SCAI: variants seen among roughly 807,000 people sequenced by gnomAD.
SCAI encodes suppressor of cancer cell invasion, also known as protein SCAI.
A neutral mutation model predicts 92.2 loss-of-function variants in SCAI; 24 were observed. The ratio of observed to expected loss-of-function variants is 0.26; its 90% CI spans 0.19 to 0.37. SCAI has a LOEUF of 0.37. Among genes scored for constraint, SCAI ranks in the 10% least tolerant of loss-of-function variants. SCAI has a pLI of 1.00. For synonymous variants in SCAI, 261 were observed against 258.6 expected (o/e 1.01, Z -0.09); for missense variants, 450 against 736.2 (o/e 0.61, Z 4.50).
intron 2 of SCAI, among the ~76,000 whole-genome samples, chr9:125,126,713 C>T (rs1219825904): frequency 6.6e-6 from 1 of 152,124 alleles, no homozygotes; most frequent in Non-Finnish European, 1.5e-5. Flanking sequence ...TAAGTCCAGC[C>T]CACACTCAAG....
chr9:125,099,499 C>T (rs1834635228), intron 2 of SCAI, among the ~76,000 whole-genome samples: 1 of 152,164 alleles, frequency 6.6e-6, no homozygotes. Context: ...CCACGCTAGT[C>T]TCGACCTCCT....
chr9:125,072,447 G>A (rs1833996938), intron 2 of SCAI, among the ~76,000 whole-genome samples: 1 of 152,008 alleles, frequency 6.6e-6, no homozygotes, highest in Non-Finnish European at 1.5e-5. Flanking sequence ...GAGTATAAAT[G>A]AAGAAATAAA....
chr9:125,106,074 G>A (rs1246724409), intron 2 of SCAI, among the ~76,000 whole-genome samples: 7 of 108,106 alleles, frequency 6.5e-5, no homozygotes, highest in East Asian at 3.2e-4. Context: ...TCCAACCTGC[G>A]TGACAGAGTG....
intron 7 of SCAI, among the ~76,000 whole-genome samples, chr9:125,020,423 G>A (rs919306307): frequency 2.0e-5 from 3 of 152,110 alleles, no homozygotes; most frequent in Non-Finnish European, 2.9e-5. Flanking sequence ...CCACTGATGG[G>A]CTTTGAAATG....
intron 9 of SCAI, among the ~76,000 whole-genome samples, chr9:125,016,113 T>C (rs961367589): frequency 2.0e-5 from 3 of 150,328 alleles, no homozygotes; most frequent in African/African-American, 7.3e-5. Flanking sequence ...CACACCAGCA[T>C]GGCACATGTA....
chr9:125,115,157 G>A (rs1393249582), intron 2 of SCAI, among the ~76,000 whole-genome samples: 4 of 151,908 alleles, frequency 2.6e-5, no homozygotes, highest in Non-Finnish European at 5.9e-5. Flanking sequence ...CGGATCACGA[G>A]GTCAGGAGAT....
Position 125,010,344 on chromosome 9 carries a change from C to T in SCAI, c.862-6774G>A, listed in dbSNP as rs143758407. On this transcript the variant is annotated intron_variant, in intron 9 of 17. Coordinates refer to ENST00000336505, the MANE Select transcript of SCAI (RefSeq NM_001144877.3). Reference sequence around the variant, plus strand: ...CTTCCACCCCAATACTGCGCTTTTCCGACGGGCTTAAAAAACGGTGCACCA... The same window carrying T: ...CTTCCACCCCAATACTGCGCTTTTCTGACGGGCTTAAAAAACGGTGCACCA... 7.3e-3 allele frequency among the ~76,000 whole-genome samples: 1,106 copies of T among 152,296 alleles called. 4 individuals carry two copies. The highest frequency in any genetic ancestry group is 0.01 in the Admixed American group (154 of 15,290).
chr9:125,102,823 C>T (rs1345158140), intron 2 of SCAI, among the ~76,000 whole-genome samples: 2 of 152,160 alleles, frequency 1.3e-5, no homozygotes, highest in African/African-American at 2.4e-5. Flanking sequence ...GTCTTGAATG[C>T]TTGACCTCAG....
At chr9:125,083,934 C>T (rs376152776) in intron 2 of SCAI, among the ~76,000 whole-genome samples, 2 of 151,796 alleles carry the variant, frequency 1.3e-5, no homozygotes, top group African/African-American at 2.4e-5. Context: ...CTGGAGTAGG[C>T]GAGGTGAAGC....
chr9:125,127,823 C>T (rs557350828), intron 2 of SCAI, among the ~76,000 whole-genome samples: 2 of 152,168 alleles, frequency 1.3e-5, no homozygotes, highest in South Asian at 4.1e-4. Flanking sequence ...GCCTGGCCAA[C>T]ATGGCAAAAC....
At chr9:125,099,526 C>T (rs1834635995) in intron 2 of SCAI, among the ~76,000 whole-genome samples, 4 of 152,148 alleles carry the variant, frequency 2.6e-5, no homozygotes, top group Admixed American at 1.3e-4. Flanking sequence ...AAGTGATGCA[C>T]CCGCCTCAGC....
At chr9:125,108,235 G>A (rs574788916) in intron 2 of SCAI, among the ~76,000 whole-genome samples, 3,197 of 152,284 alleles carry the variant, frequency 0.021, 28 homozygotes, top group African/African-American at 0.074. Context: ...CGAGATTGCA[G>A]CCTCTGCCCA....
Position 125,014,653 on chromosome 9 carries a change from A to T in SCAI, c.861+4146T>A, listed in dbSNP as rs866753814. Reference sequence around the variant, plus strand: ...TGCCATCCCCATCAAGCTACCAATGACTTTCTTCACAGAATTGGAAAAAAC... The same window carrying T: ...TGCCATCCCCATCAAGCTACCAATGTCTTTCTTCACAGAATTGGAAAAAAC... On this transcript the variant is annotated intron_variant, in intron 9 of 17. Transcript: ENST00000336505. Among the ~76,000 whole-genome samples the T allele has an allele frequency of 8.9e-4, 136 of 152,340 alleles. 1 individual carries two copies. Among genetic ancestry groups the T allele is most frequent in the South Asian group, 8.5e-3 (41 of 4,830 alleles).
intron 2 of SCAI, among the ~76,000 whole-genome samples, chr9:125,063,988 G>A (rs954529909): frequency 2.0e-5 from 3 of 151,956 alleles, no homozygotes; most frequent in Admixed American, 1.3e-4. Flanking sequence ...TCCAGACTCA[G>A]GTGATCCCCC....
At chr9:124,955,048 T>C (rs1397020763) in intron 17 of SCAI, among the ~76,000 whole-genome samples, 2 of 151,506 alleles carry the variant, frequency 1.3e-5, no homozygotes, top group East Asian at 3.9e-4. Context: ...ACATCTGTAG[T>C]ACCCAGCTAC....
intron 2 of SCAI, among the ~76,000 whole-genome samples, chr9:125,110,538 G>A (rs968413881): frequency 5.0e-4 from 76 of 152,258 alleles, no homozygotes; most frequent in African/African-American, 1.6e-3. Context: ...GGAGTCTGGT[G>A]GGAGGGAATT....
At chr9:124,997,321 G>T (rs573889465) in intron 13 of SCAI, among the ~76,000 whole-genome samples, 4 of 152,270 alleles carry the variant, frequency 2.6e-5, no homozygotes, top group African/African-American at 9.6e-5. Context: ...TGTATGAGTT[G>T]TATATGAAAC....
rs115779670 is a variant in SCAI at position 125,081,828 on chromosome 9, C to T, written c.99-25821G>A. ...AGGCAATCCGCCCACCCCGGCTTCCCAAAGTGCTAGGATTACAGACATGAG... is the reference window on the plus strand; with the variant it reads ...AGGCAATCCGCCCACCCCGGCTTCCTAAAGTGCTAGGATTACAGACATGAG... On this transcript the variant is annotated intron_variant, in intron 2 of 17. Coordinates refer to ENST00000336505, the MANE Select transcript of SCAI (RefSeq NM_001144877.3). Among the ~76,000 whole-genome samples, 1,206 of 152,176 alleles carry T rather than the reference C, an allele frequency of 7.9e-3. 18 individuals are homozygous for T. The highest frequency in any genetic ancestry group is 0.027 in the African/African-American group (1,131 of 41,504).
chr9:125,111,341 A>G (rs138581726), intron 2 of SCAI, among the ~76,000 whole-genome samples: 31 of 152,212 alleles, frequency 2.0e-4, no homozygotes, highest in Non-Finnish European at 4.1e-4. Context: ...AATTTTTTAA[A>G]AAGACCTCAA....
Sources: allele counts gnomAD v4.1 joint callset (sites outside exome capture counted in the v4.1 genomes callset), GRCh38; gene constraint gnomAD v4.1.1; transcripts MANE v1.5; gene names NCBI Gene and HGNC (gene_info 2026-07-23, HGNC 2026-07-21).